The following PPP3CA variants were observed in gnomAD, a reference collection of about 807,000 sequenced individuals.
PPP3CA encodes CAM-PRP catalytic subunit.
Under a neutral mutation model 66.5 loss-of-function variants are expected in PPP3CA, and 14 were observed. The observed-to-expected ratio is 0.21, with a 90% confidence interval of 0.14 to 0.33. The LOEUF (loss-of-function observed/expected upper bound fraction) is 0.33, where lower values mean the gene tolerates loss of function less well. Ranked by LOEUF, PPP3CA falls within the 10% of genes least tolerant of loss-of-function variation. The pLI, the probability that PPP3CA is intolerant of heterozygous loss-of-function variation, is 1.00. For synonymous variants in PPP3CA, 232 were observed against 226.2 expected (o/e 1.03, Z -0.23); for missense variants, 317 against 639.5 (o/e 0.50, Z 5.44).
intron 1 of PPP3CA, among the ~76,000 whole-genome samples, chr4:101,248,283 C>A (rs1342569480): frequency 6.6e-6 from 1 of 152,164 alleles, no homozygotes. Context: ...CAGACAGACC[C>A]AAATATGCAT....
chr4:101,029,347 T>TAAAAAAAAAAAAAAAAAAAAAAAAAC (rs34620032), intron 12 of PPP3CA, 152 bp from the exon 13 acceptor site: 1 of 78,822 alleles, frequency 1.3e-5, no homozygotes, highest in African/African-American at 7.1e-5. Context: ...ACAGAAATGC[T>TAAAAAAAAAAAAAAAAAAAAAAAAAC]AAAAAAAAAA....
intron 2 of PPP3CA, among the ~76,000 whole-genome samples, chr4:101,191,168 C>T (rs1003828403): frequency 5.3e-5 from 8 of 152,152 alleles, no homozygotes. Context: ...TTCTCAGGCC[C>T]TACTCCAGAC....
intron 2 of PPP3CA, among the ~76,000 whole-genome samples, chr4:101,109,308 T>TAAAAAAAAAAAAAAAAAA (rs70961775): frequency 2.2e-5 from 2 of 90,060 alleles, no homozygotes; most frequent in African/African-American, 4.2e-5. Context: ...ACAGATTAAC[T>TAAAAAAAAAAAAAAAAAA]AAAAAAAAAA....
chr4:101,277,396 A>T (rs1221760686), intron 1 of PPP3CA, among the ~76,000 whole-genome samples: 1 of 152,198 alleles, frequency 6.6e-6, no homozygotes. Context: ...TTTCCAATTC[A>T]TTTAGGTAAA....
At chr4:101,034,261 G>A (rs1177507670) in intron 11 of PPP3CA, among the ~76,000 whole-genome samples, 1 of 152,028 alleles carries the variant, frequency 6.6e-6, no homozygotes, top group Non-Finnish European at 1.5e-5. Flanking sequence ...CTCCTGCCCT[G>A]GCATCTGTGT....
intron 2 of PPP3CA, among the ~76,000 whole-genome samples, chr4:101,131,365 G>A (rs1402170876): frequency 6.8e-6 from 1 of 147,856 alleles, no homozygotes; most frequent in Admixed American, 6.8e-5. Context: ...CATGTGCAAA[G>A]ACACACATAG....
intron 12 of PPP3CA, 138 bp from the exon 13 acceptor site, chr4:101,029,333 C>T: frequency 9.5e-6 from 1 of 105,406 alleles, no homozygotes; most frequent in East Asian, 3.2e-4. Flanking sequence ...GCACAGACAA[C>T]AAAACAGAAA....
chr4:101,175,377 C>T (rs537636768), intron 2 of PPP3CA, among the ~76,000 whole-genome samples: 8 of 152,062 alleles, frequency 5.3e-5, no homozygotes, highest in African/African-American at 1.2e-4. Context: ...AATTCTTGTA[C>T]CTTGTTAGCT....
At chr4:101,344,886 T>C (rs1346972651) in intron 1 of PPP3CA, among the ~76,000 whole-genome samples, 3 of 152,208 alleles carry the variant, frequency 2.0e-5, no homozygotes, top group Admixed American at 1.3e-4. Context: ...CTTTACATTG[T>C]TTTGATCTTA....
intron 1 of PPP3CA, among the ~76,000 whole-genome samples, chr4:101,275,088 C>T (rs1303113493): frequency 2.0e-5 from 3 of 152,146 alleles, no homozygotes; most frequent in Non-Finnish European, 4.4e-5. Context: ...ACCCTACTTC[C>T]TCATTAGCCT....
intron 3 of PPP3CA, among the ~76,000 whole-genome samples, chr4:101,107,095 G>A (rs1011125043): frequency 6.6e-6 from 1 of 152,176 alleles, no homozygotes; most frequent in Admixed American, 6.5e-5. Context: ...AAAAAACAAG[G>A]TTAGCAGAGT....
At chr4:101,115,648 T>C (rs561787574) in intron 2 of PPP3CA, among the ~76,000 whole-genome samples, 4 of 152,038 alleles carry the variant, frequency 2.6e-5, no homozygotes, top group African/African-American at 9.6e-5. Flanking sequence ...ATACAAATAA[T>C]AGCTTGAAAA....
intron 1 of PPP3CA, among the ~76,000 whole-genome samples, chr4:101,247,839 T>A (rs936924752): frequency 6.6e-6 from 1 of 152,156 alleles, no homozygotes; most frequent in East Asian, 1.9e-4. Context: ...TGAGTGCTAC[T>A]ATATATATGC....
In PPP3CA at chr4:101,196,040, G is replaced by C. The variant is rs1160406789; in HGVS notation, c.135C>G (p.Ile45Met). 6.2e-7 allele frequency: 1 copy of C among 1,613,898 alleles called. No individual in the cohort carries two copies. Among genetic ancestry groups the C allele is most frequent in the South Asian group, 1.1e-5 (1 of 91,076 alleles). ...CCTCCTTCATAAGATGCGCCTTTAA[G>C]ATATCCACACGAGGTTTTCCATCAT... ...FDNDGKPRVD[I>M]LKAHLMKEGR... Residue 45 changes from isoleucine (I) to methionine (M), a missense_variant, in exon 2 of 14, where the codon ATC (isoleucine) becomes ATG (methionine). By Grantham distance (10) the Ile-to-Met change is conservative. Around this residue, in one of 3 missense-constraint regions of PPP3CA, gnomAD observed 76 missense variants for 99.5 expected, o/e 0.76. Coordinates refer to ENST00000394854, the MANE Select transcript of PPP3CA (RefSeq NM_000944.5).
rs921767950 is a variant in PPP3CA at position 101,347,088 on chromosome 4, C to G, written c.-292G>C. On this transcript the variant is annotated 5_prime_UTR_variant, in exon 1 of 14. Transcript: ENST00000394854. ...TTATTTATTTTCTGAGCACGCCTCC[C>G]GGTTCTTCTTTTATTCTTGGGGGAA... The G allele has an allele frequency of 1.9e-6, 1 of 530,880 alleles. No individual in the cohort carries two copies. The highest frequency in any genetic ancestry group is 2.1e-5 in the South Asian group (1 of 48,444). 32.9% of individuals were successfully genotyped at this position (530,880 alleles called of 1,614,324 possible).
chr4:101,203,079 T>C (rs984405361), intron 1 of PPP3CA, among the ~76,000 whole-genome samples: 3 of 152,254 alleles, frequency 2.0e-5, no homozygotes, highest in African/African-American at 7.2e-5. Flanking sequence ...TCAAAGCACT[T>C]ATTGAAATAA....
chr4:101,205,944 A>C (rs1725118056), intron 1 of PPP3CA, among the ~76,000 whole-genome samples: 1 of 152,218 alleles, frequency 6.6e-6, no homozygotes, highest in Non-Finnish European at 1.5e-5. Flanking sequence ...GTCACCCTCC[A>C]GAGAGCCAAG....
intron 1 of PPP3CA, among the ~76,000 whole-genome samples, chr4:101,209,509 T>C (rs763806446): frequency 3.9e-5 from 6 of 152,176 alleles, no homozygotes; most frequent in African/African-American, 7.2e-5. Flanking sequence ...GAAAAAAGTA[T>C]GTCCTAGAAG....
intron 1 of PPP3CA, among the ~76,000 whole-genome samples, chr4:101,345,735 C>T (rs944197033): frequency 4.6e-5 from 7 of 152,186 alleles, no homozygotes; most frequent in African/African-American, 1.7e-4. Flanking sequence ...TTCCTCACTC[C>T]GCACATCCCA....
Sources: allele counts gnomAD v4.1 joint callset (sites outside exome capture counted in the v4.1 genomes callset), GRCh38; gene constraint gnomAD v4.1.1; regional missense constraint gnomAD v4.1.1; transcripts MANE v1.5; gene names NCBI Gene and HGNC (gene_info 2026-07-23, HGNC 2026-07-21).